The following MYOF variants were observed in gnomAD, a reference collection of about 807,000 sequenced individuals.
MYOF encodes fer-1-like 3, myoferlin.
Under a neutral mutation model 284.2 loss-of-function variants are expected in MYOF, and 244 were observed. The ratio of observed to expected loss-of-function variants is 0.86; its 90% CI spans 0.77 to 0.95. MYOF has a LOEUF of 0.95. Ranked by LOEUF, MYOF falls within the 40% of genes least tolerant of loss-of-function variation. The probability of loss-of-function intolerance (pLI) is 0.00; values close to 1 mark genes in which losing one functional copy is unlikely to be tolerated. For missense variants in MYOF, 2,496 were observed against 2,560.6 expected (o/e 0.97, Z 0.54); for synonymous variants, 904 against 919.7 (o/e 0.98, Z 0.31).
intron 48 of MYOF, among the ~76,000 whole-genome samples, chr10:93,322,661 A>G (rs951074642): frequency 5.9e-5 from 9 of 152,210 alleles, no homozygotes; most frequent in Non-Finnish European, 1.3e-4. Context: ...TTCCATAGAC[A>G]TGGGCTGCTG....
intron 28 of MYOF, among the ~76,000 whole-genome samples, chr10:93,361,120 G>A (rs1845050079): frequency 1.3e-5 from 2 of 152,192 alleles, no homozygotes; most frequent in Non-Finnish European, 2.9e-5. Flanking sequence ...GGGGTAGAGG[G>A]AGGATGGCTA....
intron 42 of MYOF, 150 bp from the exon 43 acceptor site, chr10:93,333,462 G>T: frequency 1.4e-6 from 1 of 705,764 alleles, no homozygotes; most frequent in Non-Finnish European, 2.5e-6. Context: ...AGGGAGCAAT[G>T]CTCTCCTTTG....
In MYOF at chr10:93,355,617, A is replaced by G; in HGVS notation, c.3403+11T>C. The stretch of plus-strand genomic sequence containing the variant: ...TAAAATAAAATAAATCAAAAATAAA[A>G]CAAAACTCACTGTCAAAATTGCAGG... On this transcript the variant is annotated intron_variant, in intron 31 of 53. Transcript: ENST00000359263. The G allele has an allele frequency of 6.3e-7, 1 of 1,587,890 alleles. No homozygotes were observed. Among genetic ancestry groups the G allele is most frequent in the Non-Finnish European group, 8.6e-7 (1 of 1,161,300 alleles).
rs142109330 is a variant in MYOF, at chr10:93,355,921, T to A, written c.3295-185A>T. 0.014 allele frequency among the ~76,000 whole-genome samples: 2,150 copies of A among 152,260 alleles called. 59 individuals carry two copies. The highest frequency in any genetic ancestry group is 0.049 in the African/African-American group (2,049 of 41,530). On this transcript the variant is annotated intron_variant, in intron 30 of 53. Coordinates refer to ENST00000359263, the MANE Select transcript of MYOF (RefSeq NM_013451.4). ...AGCAAGTGACTTCCCTGAAGTCGCT[T>A]AGCTGGAAAGCAGCCGAGCAGGAAG...
intron 19 of MYOF, among the ~76,000 whole-genome samples, chr10:93,383,505 G>A (rs146756821): frequency 4.7e-4 from 72 of 152,264 alleles, no homozygotes; most frequent in African/African-American, 1.7e-3. Flanking sequence ...ACCTTGATAA[G>A]GGAGGATTGG....
At chr10:93,356,612 A>G in intron 30 of MYOF, 63 bp downstream of exon 30, 1 of 1,535,314 alleles carries the variant, frequency 6.5e-7, no homozygotes, top group South Asian at 1.3e-5. Flanking sequence ...GCAGTGCTGT[A>G]TCCAACACTC....
intron 1 of MYOF, among the ~76,000 whole-genome samples, chr10:93,468,644 T>G (rs780502562): frequency 1.3e-5 from 2 of 152,242 alleles, no homozygotes; most frequent in Admixed American, 1.3e-4. Flanking sequence ...TAACCTCAGC[T>G]TCAGACCCTG....
At chr10:93,350,247 T>A (rs1844442748) in intron 35 of MYOF, among the ~76,000 whole-genome samples, 1 of 152,118 alleles carries the variant, frequency 6.6e-6, no homozygotes, top group Admixed American at 6.6e-5. Flanking sequence ...CCTCCCTATG[T>A]CTCATCTACA....
intron 18 of MYOF, 46 bp from the exon 19 acceptor site, chr10:93,387,959 A>G (rs781304357): frequency 8.2e-6 from 12 of 1,467,526 alleles, no homozygotes; most frequent in Non-Finnish European, 1.0e-5. Flanking sequence ...AGCAACAGCA[A>G]AAAGAATTCT....
intron 3 of MYOF, among the ~76,000 whole-genome samples, chr10:93,433,504 A>T (rs948754377): frequency 6.6e-6 from 1 of 152,234 alleles, no homozygotes; most frequent in Non-Finnish European, 1.5e-5. Context: ...TCCTGTCTAC[A>T]TCGGCACTGA....
At chr10:93,356,601 G>C (rs1225141295) in intron 30 of MYOF, 74 bp downstream of exon 30, 38 of 1,448,702 alleles carry the variant, frequency 2.6e-5, no homozygotes, top group Non-Finnish European at 3.6e-5. Flanking sequence ...CTATGGAGTT[G>C]GCAGTGCTGT....
chr10:93,335,879 T>C (rs762733013), intron 41 of MYOF, 42 bp downstream of exon 41: 18 of 1,602,444 alleles, frequency 1.1e-5, no homozygotes, highest in Non-Finnish European at 1.5e-5. Flanking sequence ...ATATAGAAAA[T>C]GAAGGTGGAT....
chr10:93,343,197 T>G (rs1426398871), intron 38 of MYOF, among the ~76,000 whole-genome samples: 1 of 152,210 alleles, frequency 6.6e-6, no homozygotes, highest in Non-Finnish European at 1.5e-5. Context: ...GTTTCCTTTT[T>G]TCTGGGCTGA....
At chr10:93,461,078 G>A (rs2056868832) in intron 1 of MYOF, among the ~76,000 whole-genome samples, 1 of 132,662 alleles carries the variant, frequency 7.5e-6, no homozygotes, top group Non-Finnish European at 1.6e-5. Flanking sequence ...CTGGCAACAA[G>A]AGCAAAACTC....
rs66923086 is a variant in MYOF, at chr10:93,369,110, C to CTTTTTTTTTTTTTTTTTTTTTTT, written c.2589+534_2589+535insAAAAAAAAAAAAAAAAAAAAAAA. Reference sequence around the variant, plus strand: ...TATTGTTTTAGAAGTATTCAGACAGCTTTTTTTTTTTTTTTTTTTTTTGCC... The same window carrying CTTTTTTTTTTTTTTTTTTTTTTT: ...TATTGTTTTAGAAGTATTCAGACAGCTTTTTTTTTTTTTTTTTTTTTTTTTTTTTTTTTTTTTTTTTTTTTGCC... On this transcript the variant is annotated intron_variant, in intron 25 of 53. Transcript: ENST00000359263. Among the ~76,000 whole-genome samples, 11 of 78,314 alleles carry CTTTTTTTTTTTTTTTTTTTTTTT rather than the reference C, an allele frequency of 1.4e-4. 2 individuals carry two copies. The highest frequency in any genetic ancestry group is 7.1e-4 in the African/African-American group (11 of 15,450). The allele number at this position is 78,314 out of a possible 152,430, so 51.4% of individuals were successfully genotyped here. A position where few individuals can be genotyped will look rare whatever the true frequency, so the allele number is the denominator to read the frequency against.
chr10:93,350,807 G>GT (rs1378333018), intron 35 of MYOF, among the ~76,000 whole-genome samples: 1 of 152,142 alleles, frequency 6.6e-6, no homozygotes, highest in Non-Finnish European at 1.5e-5. Context: ...TCATCAGCTT[G>GT]TATCTGACAT....
intron 48 of MYOF, among the ~76,000 whole-genome samples, chr10:93,322,433 A>G (rs1197801198): frequency 1.3e-5 from 2 of 152,208 alleles, no homozygotes; most frequent in African/African-American, 4.8e-5. Flanking sequence ...CCCAGACAGT[A>G]GGGAAAGCAC....
intron 3 of MYOF, among the ~76,000 whole-genome samples, chr10:93,440,603 A>C (rs942010619): frequency 2.6e-5 from 4 of 152,198 alleles, no homozygotes; most frequent in African/African-American, 9.7e-5. Context: ...AAAGGTATGG[A>C]GTACCCCCAG....
chr10:93,471,265 C>T (rs1272315957), intron 1 of MYOF, among the ~76,000 whole-genome samples: 1 of 151,980 alleles, frequency 6.6e-6, no homozygotes, highest in Non-Finnish European at 1.5e-5. Flanking sequence ...GTCATAAAGG[C>T]TTTCATTGCT....
Sources: allele counts gnomAD v4.1 joint callset (sites outside exome capture counted in the v4.1 genomes callset), GRCh38; gene constraint gnomAD v4.1.1; transcripts MANE v1.5; gene names NCBI Gene and HGNC (gene_info 2026-07-23, HGNC 2026-07-21).